The following DGKB variants were observed in gnomAD, a reference collection of about 807,000 sequenced individuals.
DGKB encodes 90 kDa diacylglycerol kinase.
In DGKB, 67 loss-of-function variants were observed where a neutral mutation model predicts 114.3. That is an observed-to-expected ratio of 0.59 (90% confidence interval 0.48 to 0.72). DGKB has a LOEUF of 0.72. DGKB is among the 30% of genes least tolerant of loss of function. The pLI, the probability that DGKB is intolerant of heterozygous loss-of-function variation, is 0.00. For missense variants in DGKB, 907 were observed against 975.2 expected, an observed-to-expected ratio of 0.93 and a Z score of 0.93; for synonymous variants, 398 against 323.1, an observed-to-expected ratio of 1.23 and a Z score of -2.49.
At chr7:14,387,181 T>C (rs1348050758) in intron 21 of DGKB, among the ~76,000 whole-genome samples, 1 of 151,900 alleles carries the variant, frequency 6.6e-6, no homozygotes, top group African/African-American at 2.4e-5. Context: ...CCCAGCACTT[T>C]GGGAGGCCAA....
intron 1 of DGKB, among the ~76,000 whole-genome samples, chr7:14,857,860 T>G (rs1203545169): frequency 1.3e-5 from 2 of 152,172 alleles, no homozygotes; most frequent in Non-Finnish European, 2.9e-5. Flanking sequence ...TTATAATTTA[T>G]TATACACTTT....
At chr7:14,673,307 C>G (rs544923119) in intron 12 of DGKB, among the ~76,000 whole-genome samples, 1 of 151,710 alleles carries the variant, frequency 6.6e-6, no homozygotes, top group Admixed American at 6.6e-5. Flanking sequence ...CCAAAGAACC[C>G]TGATTTCTTT....
At chr7:14,380,189 T>A (rs1409079517) in intron 21 of DGKB, among the ~76,000 whole-genome samples, 1 of 151,998 alleles carries the variant, frequency 6.6e-6, no homozygotes, top group Non-Finnish European at 1.5e-5. Context: ...AAAAGATTTA[T>A]AAACACTGTA....
chr7:14,878,762 A>AC (rs1554325500), intron 1 of DGKB, among the ~76,000 whole-genome samples: 1 of 151,044 alleles, frequency 6.6e-6, no homozygotes, highest in Non-Finnish European at 1.5e-5. Flanking sequence ...AAACAAAAAA[A>AC]AAAAAACAAA....
chr7:14,844,856 C>T (rs1474953866), intron 1 of DGKB, among the ~76,000 whole-genome samples: 1 of 152,024 alleles, frequency 6.6e-6, no homozygotes, highest in Non-Finnish European at 1.5e-5. Context: ...CCTGTAATCC[C>T]AGCACTTTGG....
At chr7:14,598,005 G>A (rs1802887210) in intron 17 of DGKB, among the ~76,000 whole-genome samples, 1 of 151,952 alleles carries the variant, frequency 6.6e-6, no homozygotes, top group South Asian at 2.1e-4. Context: ...TGCCATGATG[G>A]CATGCTTCAC....
At chr7:14,595,361 G>C (rs966621271) in intron 17 of DGKB, among the ~76,000 whole-genome samples, 2 of 151,942 alleles carry the variant, frequency 1.3e-5, no homozygotes, top group African/African-American at 4.8e-5. Flanking sequence ...TCGGGAAAAA[G>C]GGAGAAAACT....
chr7:14,804,875 T>C (rs1842607147), intron 2 of DGKB, among the ~76,000 whole-genome samples: 1 of 152,106 alleles, frequency 6.6e-6, no homozygotes, highest in Admixed American at 6.6e-5. Flanking sequence ...ATTTTTTTCA[T>C]TTCTGTTTAA....
chr7:14,471,500 G>T (rs1202929019), intron 21 of DGKB, among the ~76,000 whole-genome samples: 6 of 149,238 alleles, frequency 4.0e-5, no homozygotes, highest in African/African-American at 1.5e-4. Flanking sequence ...GTATACTGCT[G>T]ACATATAAAT....
chr7:14,738,109 C>T (rs1036024885), intron 4 of DGKB, among the ~76,000 whole-genome samples: 1 of 152,178 alleles, frequency 6.6e-6, no homozygotes, highest in East Asian at 1.9e-4. Context: ...TGAAAAGGAA[C>T]ACCTACTCTT....
Position 14,740,722 on chromosome 7 carries a change from G to A in DGKB, c.169-4528C>T, listed in dbSNP as rs980841651. 2.6e-5 allele frequency among the ~76,000 whole-genome samples: 4 copies of A among 152,134 alleles called. No homozygotes were observed. In the South Asian group the frequency reaches 8.3e-4, roughly 31 times the overall value. On this transcript the variant is annotated intron_variant, in intron 4 of 25. Transcript: ENST00000402815. ...CTAGTATCCATGGCATAAATTAGGT[G>A]TAGGGAACTCAAAGGCTACTTATAG...
intron 20 of DGKB, among the ~76,000 whole-genome samples, chr7:14,499,898 C>A (rs1584409389): frequency 6.6e-6 from 1 of 151,774 alleles, no homozygotes; most frequent in East Asian, 1.9e-4. Context: ...TGAATCAGAC[C>A]CGTGGCTCAT....
chr7:14,262,768 A>G (rs6966405), intron 23 of DGKB, among the ~76,000 whole-genome samples: 67,945 of 151,960 alleles, frequency 0.45, 17,577 homozygotes, highest in Non-Finnish European at 0.59. Flanking sequence ...TTAGGGCCAA[A>G]CCAGCTCCAA....
intron 20 of DGKB, among the ~76,000 whole-genome samples, chr7:14,505,916 T>C (rs1212845992): frequency 6.6e-6 from 1 of 152,164 alleles, no homozygotes; most frequent in Non-Finnish European, 1.5e-5. Flanking sequence ...TTGTCAGTAG[T>C]GTAATAAAAA....
intron 1 of DGKB, among the ~76,000 whole-genome samples, chr7:14,958,553 C>T (rs977818638): frequency 1.3e-5 from 2 of 151,548 alleles, no homozygotes; most frequent in African/African-American, 4.9e-5. Flanking sequence ...TTTCAATATT[C>T]TTCCTTTAAT....
chr7:14,337,681 C>G (rs575437733), intron 23 of DGKB, among the ~76,000 whole-genome samples: 1 of 152,208 alleles, frequency 6.6e-6, no homozygotes, highest in East Asian at 1.9e-4. Flanking sequence ...ACACTGAAAT[C>G]TCTTCATATT....
intron 1 of DGKB, among the ~76,000 whole-genome samples, chr7:14,915,971 A>G (rs1039063389): frequency 2.0e-5 from 3 of 152,178 alleles, no homozygotes; most frequent in African/African-American, 4.8e-5. Context: ...CTAATAGATA[A>G]CTATTCAACA....
At chr7:14,627,133 T>C (rs554054666) in intron 14 of DGKB, among the ~76,000 whole-genome samples, 7 of 152,186 alleles carry the variant, frequency 4.6e-5, no homozygotes, top group Non-Finnish European at 1.5e-5. Context: ...ATCACAGGTA[T>C]ACTGCTTGGT....
intron 13 of DGKB, among the ~76,000 whole-genome samples, chr7:14,654,658 T>G (rs773114702): frequency 6.6e-6 from 1 of 151,934 alleles, no homozygotes; most frequent in African/African-American, 2.4e-5. Context: ...CAAAACAGCA[T>G]AGCATTGCTA....
Sources: gnomAD v4.1 joint callset for allele counts (sites outside exome capture counted in the v4.1 genomes callset) on GRCh38, gnomAD v4.1.1 for gene constraint, MANE v1.5 for transcripts, NCBI Gene and HGNC (gene_info 2026-07-23, HGNC 2026-07-21) for gene names.